AGTPBP1: variants seen among roughly 807,000 people sequenced by gnomAD.
AGTPBP1 encodes the protein ATP/GTP binding carboxypeptidase 1, also known as cytosolic carboxypeptidase 1.
AGTPBP1 carries 70 observed loss-of-function variants against 143.9 expected under a neutral mutation model. The observed-to-expected ratio is 0.49, with a 90% CI of 0.40 to 0.59. The LOEUF (loss-of-function observed/expected upper bound fraction) is 0.59, where lower values mean the gene tolerates loss of function less well. Among genes scored for constraint, AGTPBP1 ranks in the 20% least tolerant of loss-of-function variants. AGTPBP1 has a pLI of 0.00. For missense variants in AGTPBP1, 1,229 were observed against 1,464.5 expected (o/e 0.84, Z 2.62); for synonymous variants, 463 against 500.2 (o/e 0.93, Z 0.99).
intron 15 of AGTPBP1, 75 bp from the exon 16 acceptor site, chr9:85,619,376 A>G: frequency 9.7e-7 from 1 of 1,033,734 alleles, no homozygotes; most frequent in Non-Finnish European, 1.4e-6. Flanking sequence ...AAATAAAATT[A>G]TAATTAAAAA....
At chr9:85,765,842 T>A in the AGTPBP1 span, among the ~76,000 whole-genome samples, 1 of 152,214 alleles carries the variant, frequency 6.6e-6, no homozygotes, top group African/African-American at 2.4e-5. Context: ...CATTAGATTG[T>A]TGCTCATTGA....
chr9:85,727,305 CA>C (rs1320021943), intron 1 of AGTPBP1, among the ~76,000 whole-genome samples: 12 of 152,122 alleles, frequency 7.9e-5, no homozygotes, highest in African/African-American at 2.4e-4. Flanking sequence ...CCAGCCTGGG[CA>C]ACAGAGGGGG....
At chr9:85,780,271 TAA>T in the AGTPBP1 span, among the ~76,000 whole-genome samples, 1 of 148,356 alleles carries the variant, frequency 6.7e-6, no homozygotes, top group South Asian at 2.2e-4. Flanking sequence ...ATGAAAATAT[TAA>T]TAAAGTTTCT....
At chr9:85,606,411 TAGTG>T (rs1829993904) in intron 17 of AGTPBP1, among the ~76,000 whole-genome samples, 1 of 149,378 alleles carries the variant, frequency 6.7e-6, no homozygotes, top group African/African-American at 2.4e-5. Context: ...AAAAAGATGT[TAGTG>T]AGGATGTGGA....
intron 2 of AGTPBP1, among the ~76,000 whole-genome samples, chr9:85,705,132 T>C (rs1414163896): frequency 6.6e-6 from 1 of 151,154 alleles, no homozygotes; most frequent in African/African-American, 2.4e-5. Flanking sequence ...AACAGAAATA[T>C]GTAATAAAAT....
chr9:85,669,635 G>C (rs1834357581), intron 7 of AGTPBP1, 57 bp from the exon 8 acceptor site: 1 of 1,167,990 alleles, frequency 8.6e-7, no homozygotes, highest in Non-Finnish European at 1.3e-6. Context: ...CCAAAAATGT[G>C]TATACTTAGT....
At chr9:85,719,049 C>T (rs1483837707) in intron 1 of AGTPBP1, among the ~76,000 whole-genome samples, 1 of 152,050 alleles carries the variant, frequency 6.6e-6, no homozygotes, top group African/African-American at 2.4e-5. Context: ...GGTACCAGTA[C>T]CATGCTGTTT....
At position 85,644,021 on chromosome 9, in the gene AGTPBP1, T is replaced by C. The variant is rs139879707; in HGVS notation, c.1186-1078A>G. Among the ~76,000 whole-genome samples, 23 of 152,262 alleles carry C rather than the reference T, an allele frequency of 1.5e-4. 1 individual carries two copies. Among genetic ancestry groups the C allele is most frequent in the African/African-American group, 5.5e-4 (23 of 41,588 alleles). ...ATGCTTCAATCCTTAAAAAACTTTA[T>C]ATACATGTATCTGACCATACTTACA... On this transcript the variant is annotated intron_variant, in intron 12 of 25. Coordinates refer to ENST00000357081, the MANE Select transcript of AGTPBP1 (RefSeq NM_001330701.2).
chr9:85,559,545 T>C (rs894306307), intron 25 of AGTPBP1, among the ~76,000 whole-genome samples: 3 of 151,148 alleles, frequency 2.0e-5, no homozygotes, highest in Admixed American at 2.0e-4. Context: ...CACAGGAGAA[T>C]AGAAAATTCC....
chr9:85,623,718 C>T lies in AGTPBP1; in HGVS notation c.2016-2433G>A, dbSNP rs140063022. On this transcript the variant is annotated intron_variant, in intron 14 of 25. Coordinates refer to ENST00000357081, the MANE Select transcript of AGTPBP1 (RefSeq NM_001330701.2). ...GTTGCAGTGAGCTGAGATTGTGCCA[C>T]TGCACTCCAGCCTGGGCGACAGAGC... 8.7e-3 allele frequency among the ~76,000 whole-genome samples: 1,308 copies of T among 150,858 alleles called. 8 individuals carry two copies. Among genetic ancestry groups the T allele is most frequent in the Middle Eastern group, 0.02 (6 of 294 alleles).
At chr9:85,595,118 T>C (rs1328281574) in intron 18 of AGTPBP1, among the ~76,000 whole-genome samples, 1 of 152,220 alleles carries the variant, frequency 6.6e-6, no homozygotes, top group African/African-American at 2.4e-5. Context: ...TTCATTTTGC[T>C]AATAAGAGTA....
the AGTPBP1 span, among the ~76,000 whole-genome samples, chr9:85,803,191 G>A: frequency 6.6e-6 from 1 of 152,148 alleles, no homozygotes; most frequent in Non-Finnish European, 1.5e-5. Flanking sequence ...ACCAGAAAGG[G>A]GATCTTTCTT....
At chr9:85,784,025 T>C in the AGTPBP1 span, among the ~76,000 whole-genome samples, 1 of 152,260 alleles carries the variant, frequency 6.6e-6, no homozygotes, top group Non-Finnish European at 1.5e-5. Context: ...TTGACTAAAA[T>C]ATCTTGGTCA....
chr9:85,584,507 C>T (rs963398463), intron 23 of AGTPBP1, among the ~76,000 whole-genome samples: 1 of 152,114 alleles, frequency 6.6e-6, no homozygotes, highest in Admixed American at 6.5e-5. Flanking sequence ...CTCACACTTG[C>T]TGATAGTTAG....
chr9:85,657,106 A>G (rs1047112553), intron 10 of AGTPBP1, among the ~76,000 whole-genome samples: 1 of 151,686 alleles, frequency 6.6e-6, no homozygotes, highest in African/African-American at 2.4e-5. Flanking sequence ...GGTGCAGTGC[A>G]CCAGCATGGC....
chr9:85,586,747 C>T, intron 22 of AGTPBP1, 84 bp downstream of exon 22: 1 of 1,455,188 alleles, frequency 6.9e-7, no homozygotes, highest in Non-Finnish European at 9.4e-7. Context: ...AATTTGACCT[C>T]ATGATTATCA....
chr9:85,616,660 C>T (rs1232185912), intron 17 of AGTPBP1, among the ~76,000 whole-genome samples: 1 of 151,800 alleles, frequency 6.6e-6, no homozygotes, highest in African/African-American at 2.4e-5. Context: ...GTTCTTTTCT[C>T]CTCTAAAAAT....
chr9:85,760,279 A>G, the AGTPBP1 span, among the ~76,000 whole-genome samples: 1 of 152,178 alleles, frequency 6.6e-6, no homozygotes, highest in Admixed American at 6.5e-5. Context: ...TGAGGCCAGC[A>G]TCATCCTGAT....
At chr9:85,801,053 T>C in the AGTPBP1 span, among the ~76,000 whole-genome samples, 1 of 152,204 alleles carries the variant, frequency 6.6e-6, no homozygotes, top group African/African-American at 2.4e-5. Flanking sequence ...GGCTCATGCC[T>C]ATAATCCCAG....
Sources: gnomAD v4.1 joint callset for allele counts (sites outside exome capture counted in the v4.1 genomes callset) on GRCh38, gnomAD v4.1.1 for gene constraint, MANE v1.5 for transcripts, NCBI Gene and HGNC (gene_info 2026-07-23, HGNC 2026-07-21) for gene names.